The following PCDHAC1 variants were observed in gnomAD, a reference collection of about 807,000 sequenced individuals.
The protein encoded by PCDHAC1 is protocadherin alpha-C1.
In PCDHAC1, 42 loss-of-function variants were observed where a neutral mutation model predicts 60.0. The observed-to-expected ratio is 0.70, with a 90% confidence interval of 0.55 to 0.90. PCDHAC1 has a LOEUF of 0.90. Ranked by LOEUF, PCDHAC1 falls within the 40% of genes least tolerant of loss-of-function variation. The probability of loss-of-function intolerance (pLI) is 0.00; values close to 1 mark genes in which losing one functional copy is unlikely to be tolerated. For missense variants in PCDHAC1, 1,160 were observed against 1,222.3 expected (o/e 0.95, Z 0.76); for synonymous variants, 468 against 499.3 (o/e 0.94, Z 0.84).
At chr5:140,938,002 G>A (rs1396127552) in intron 1 of PCDHAC1, among the ~76,000 whole-genome samples, 1 of 151,938 alleles carries the variant, frequency 6.6e-6, no homozygotes, top group Non-Finnish European at 1.5e-5. Context: ...TGTATCCAAT[G>A]TTCTTGCTAA....
intron 3 of PCDHAC1, among the ~76,000 whole-genome samples, chr5:141,008,684 G>A (rs1426948038): frequency 2.0e-5 from 3 of 152,236 alleles, no homozygotes; most frequent in South Asian, 4.2e-4. Flanking sequence ...TTTAGTTATT[G>A]CATGTATTAA....
At chr5:140,990,537 A>G (rs2097398813) in intron 3 of PCDHAC1, among the ~76,000 whole-genome samples, 1 of 152,192 alleles carries the variant, frequency 6.6e-6, no homozygotes, top group Non-Finnish European at 1.5e-5. Flanking sequence ...TGTGCATCAT[A>G]GATACTGTAT....
intron 3 of PCDHAC1, among the ~76,000 whole-genome samples, chr5:140,985,795 A>G (rs2097171299): frequency 7.3e-6 from 1 of 136,386 alleles, no homozygotes; most frequent in African/African-American, 2.8e-5. Context: ...GCTGGAGTGC[A>G]GTGGCACGAT....
chr5:140,968,444 A>G (rs781941315), intron 1 of PCDHAC1: 1 of 1,614,048 alleles, frequency 6.2e-7, no homozygotes, highest in South Asian at 1.1e-5. Context: ...CCCACCACTG[A>G]GCAGCACTGT....
chr5:140,971,902 T>G (rs1554233695), intron 1 of PCDHAC1, among the ~76,000 whole-genome samples: 2 of 152,280 alleles, frequency 1.3e-5, no homozygotes, highest in Admixed American at 1.3e-4. Flanking sequence ...GGTTAGGTAA[T>G]CTACACAGCC....
intron 1 of PCDHAC1, among the ~76,000 whole-genome samples, chr5:140,941,615 C>T (rs2093129027): frequency 6.6e-6 from 1 of 151,970 alleles, no homozygotes; most frequent in African/African-American, 2.4e-5. Context: ...GTGCCCAGCC[C>T]ATCCTGCTTC....
At chr5:141,001,971 G>C (rs1240624295) in intron 3 of PCDHAC1, among the ~76,000 whole-genome samples, 2 of 152,186 alleles carry the variant, frequency 1.3e-5, no homozygotes, top group Admixed American at 1.3e-4. Flanking sequence ...GGGTGTCTCT[G>C]CGCGGAAAGC....
chr5:140,974,613 G>A (rs1416866366), intron 1 of PCDHAC1, among the ~76,000 whole-genome samples: 2 of 152,164 alleles, frequency 1.3e-5, no homozygotes, highest in African/African-American at 4.8e-5. Flanking sequence ...CAGGGTTCAA[G>A]CGATTCTCCT....
chr5:141,004,092 C>T (rs1245515449), intron 3 of PCDHAC1, among the ~76,000 whole-genome samples: 1 of 152,198 alleles, frequency 6.6e-6, no homozygotes, highest in Non-Finnish European at 1.5e-5. Context: ...TGTGCTTCTT[C>T]CGTTTTCATC....
intron 3 of PCDHAC1, among the ~76,000 whole-genome samples, chr5:140,987,981 ACT>A (rs2153869731): frequency 6.6e-6 from 1 of 152,028 alleles, no homozygotes; most frequent in African/African-American, 2.4e-5. Context: ...CTCCATGGAG[ACT>A]CCATCTCTGA....
intron 1 of PCDHAC1, chr5:140,930,486 G>T (rs1211564539): frequency 6.6e-6 from 1 of 152,320 alleles, no homozygotes; most frequent in Non-Finnish European, 1.5e-5. Flanking sequence ...GCCTCCCAAA[G>T]TGCTGGGATT....
rs561153933 is a variant in PCDHAC1, at chr5:140,927,279, G to A, written c.387G>A (p.Val129=). Reference sequence around the variant, plus strand: ...CACCTCTCTTTCCTGCCGGCGACGTGCAGCTGCACATCCCCGAGTTCCTGA... The same window carrying A: ...CACCTCTCTTTCCTGCCGGCGACGTACAGCTGCACATCCCCGAGTTCCTGA... ...DNSPLFPAGD[V]QLHIPEFLTP... The change falls in exon 1 of 4, where the codon GTG becomes GTA. Residue 129 remains valine, a synonymous_variant. Transcript: ENST00000253807. 14 of 1,614,136 alleles carry A rather than the reference G, an allele frequency of 8.7e-6. 1 individual carries two copies. The South Asian group carries it at 1.4e-4, about 16-fold the overall frequency.
At chr5:140,956,156 T>C (rs1467785699) in intron 1 of PCDHAC1, among the ~76,000 whole-genome samples, 1 of 152,204 alleles carries the variant, frequency 6.6e-6, no homozygotes, top group Non-Finnish European at 1.5e-5. Flanking sequence ...TCTTTCCTAA[T>C]TGCCATAGCC....
intron 1 of PCDHAC1, chr5:140,968,051 C>T (rs1353005851): frequency 1.2e-6 from 2 of 1,614,018 alleles, no homozygotes; most frequent in African/African-American, 1.3e-5. Flanking sequence ...CCCACTGGAC[C>T]GAGAGCGGGT....
chr5:140,990,808 C>G (rs537926285), intron 3 of PCDHAC1, among the ~76,000 whole-genome samples: 18 of 152,212 alleles, frequency 1.2e-4, no homozygotes, highest in Non-Finnish European at 2.4e-4. Context: ...ACAGAAGAAG[C>G]TCCCTTCTCT....
Position 140,966,702 on chromosome 5 carries a change from G to A in PCDHAC1, c.2434-12247G>A, listed in dbSNP as rs2153748522. On this transcript the variant is annotated intron_variant, in intron 1 of 3. Transcript: ENST00000253807. Reference sequence around the variant, plus strand: ...ACGAGCGGAGGCGGGGCCCGGGCGTGGGGCACGGCTGGGGAAGCTGCCGCC... The same window carrying A: ...ACGAGCGGAGGCGGGGCCCGGGCGTAGGGCACGGCTGGGGAAGCTGCCGCC... 3.7e-6 allele frequency: 5 copies of A among 1,367,880 alleles called. No homozygotes were observed. The South Asian group carries it at 6.9e-5, about 19-fold the overall frequency. 84.7% of individuals were successfully genotyped at this position (1,367,880 alleles called of 1,614,324 possible).
At chr5:140,969,468 AT>A (rs1264391543) in intron 1 of PCDHAC1, 1 of 1,486,422 alleles carries the variant, frequency 6.7e-7, no homozygotes, top group Non-Finnish European at 9.0e-7. Context: ...AGTATCCACA[AT>A]TTGATCATAA....
rs139214405 is a variant in PCDHAC1, at chr5:140,927,269, C to A, written c.377C>A (p.Ala126Asp). The A allele has an allele frequency of 2.4e-5, 38 of 1,614,024 alleles. No individual in the cohort carries two copies. In the African/African-American group the frequency reaches 3.9e-4, roughly 16 times the overall value. Residue 126 changes from alanine (A) to aspartate (D), a missense_variant, in exon 1 of 4, where the codon GCC becomes GAC. Transcript: ENST00000253807. ...AATGACAACTCACCTCTCTTTCCTG[C>A]CGGCGACGTGCAGCTGCACATCCCC... ...DTNDNSPLFP[A>D]GDVQLHIPEF... is the part of the protein sequence containing the mutation.
At chr5:140,984,041 T>A (rs1440161569) in intron 3 of PCDHAC1, among the ~76,000 whole-genome samples, 1 of 152,196 alleles carries the variant, frequency 6.6e-6, no homozygotes, top group Non-Finnish European at 1.5e-5. Flanking sequence ...CATAAAATAG[T>A]TCATTGACAA....
Sources: allele counts gnomAD v4.1 joint callset (sites outside exome capture counted in the v4.1 genomes callset), GRCh38; gene constraint gnomAD v4.1.1; transcripts MANE v1.5; gene names NCBI Gene and HGNC (gene_info 2026-07-23, HGNC 2026-07-21).